Variants in TMEM63A observed in about 807,000 individuals in gnomAD.
TMEM63A encodes transmembrane protein 63A.
In TMEM63A, 76 loss-of-function variants were observed where a neutral mutation model predicts 100.6. The ratio of observed to expected loss-of-function variants is 0.76; its 90% CI spans 0.63 to 0.91. The LOEUF is 0.91. TMEM63A is among the 40% of genes least tolerant of loss of function. The probability of loss-of-function intolerance (pLI) is 0.00; values close to 1 mark genes in which losing one functional copy is unlikely to be tolerated. For synonymous variants in TMEM63A, 401 were observed against 401.1 expected (o/e 1.00, Z 0.00); for missense variants, 876 against 1,008.8 (o/e 0.87, Z 1.78).
Position 225,847,072 on chromosome 1 carries a change from C to G in TMEM63A, c.2392G>C (p.Gly798Arg). Residue 798 changes from glycine to arginine, a missense_variant, in exon 24 of 25, where the codon GGC becomes CGC. Coordinates refer to ENST00000366835, the MANE Select transcript of TMEM63A (RefSeq NM_014698.3). ...TCCTGGGGGGCAGCAGCCACACTGC[C>G]CGTGGCGCTCTGCGCCAAGCACTGT... ...PGQCLAQSAT[G>R]SVAAAPQEA 1 of 1,613,284 alleles carries G rather than the reference C, an allele frequency of 6.2e-7. No homozygotes were observed. The highest frequency in any genetic ancestry group is 8.5e-7 in the Non-Finnish European group (1 of 1,179,782).
In TMEM63A at chr1:225,855,783, G is replaced by T. The variant is rs367591861; in HGVS notation, c.1634+95C>A. The T allele has an allele frequency of 9.3e-6, 12 of 1,296,704 alleles. 1 individual carries two copies. In the African/African-American group the frequency reaches 1.3e-4, roughly 14 times the overall value. 80.3% of individuals were successfully genotyped at this position (1,296,704 alleles called of 1,614,324 possible). On this transcript the variant is annotated intron_variant, in intron 18 of 24. Transcript: ENST00000366835. ...GGAAGATGCCTGTTCAGAAGCATAG[G>T]CTACGACCGCCCCCACCCATCCCAC... is the stretch of plus-strand genomic sequence containing the variant.
At chr1:225,855,706 A>T (rs1669578606) in intron 18 of TMEM63A, among the ~76,000 whole-genome samples, 172 bp downstream of exon 18, 2 of 152,208 alleles carry the variant, frequency 1.3e-5, no homozygotes, top group Admixed American at 1.3e-4. Context: ...CACAGTGTCT[A>T]CCAGAAACCT....
chr1:225,875,562 C>G (rs926371669), intron 3 of TMEM63A, among the ~76,000 whole-genome samples: 2 of 152,192 alleles, frequency 1.3e-5, no homozygotes, highest in South Asian at 2.1e-4. Flanking sequence ...TCAGGTGAAT[C>G]AGGAAGTTGG....
intron 18 of TMEM63A, among the ~76,000 whole-genome samples, chr1:225,854,954 A>T (rs900637977): frequency 4.6e-5 from 7 of 152,220 alleles, no homozygotes; most frequent in African/African-American, 1.7e-4. Context: ...AATGTGTCAG[A>T]TGTCGCTGAT....
intron 2 of TMEM63A, 86 bp from the exon 3 acceptor site, chr1:225,877,680 A>G (rs780596955): frequency 2.2e-5 from 30 of 1,375,620 alleles, no homozygotes; most frequent in Non-Finnish European, 2.6e-5. Context: ...AGCCAAAGGC[A>G]GGCGTTTCCC....
At chr1:225,860,717 ACATCACAG>A in intron 14 of TMEM63A, 135 bp downstream of exon 14, 1 of 1,049,742 alleles carries the variant, frequency 9.5e-7, no homozygotes, top group Non-Finnish European at 1.3e-6. Context: ...CACACCGAGC[ACATCACAG>A]CATCACAGCC....
In TMEM63A at chr1:225,862,395, G is replaced by A. The variant is rs752114398; in HGVS notation, c.952-44C>T. Reference sequence around the variant, plus strand: ...CATTGGGATGACGTGGCCCCATGCTGGTATCTGGGGCACCCCGATGCCAAT... The same window carrying A: ...CATTGGGATGACGTGGCCCCATGCTAGTATCTGGGGCACCCCGATGCCAAT... On this transcript the variant is annotated intron_variant, in intron 12 of 24. Transcript: ENST00000366835. This position sits in a 1 kb window ranked among gnomAD's most constrained non-coding sequence, Gnocchi z 5.1. 9 of 1,613,596 alleles carry A rather than the reference G, an allele frequency of 5.6e-6. No homozygotes were observed. The highest frequency in any genetic ancestry group is 7.6e-6 in the Non-Finnish European group (9 of 1,179,470).
chr1:225,849,991 G>C lies in TMEM63A; in HGVS notation c.1992C>G (p.His664Gln), dbSNP rs1241807622. 3.1e-6 allele frequency: 5 copies of C among 1,614,252 alleles called. No individual in the cohort carries two copies. Among genetic ancestry groups the C allele is most frequent in the Non-Finnish European group, 4.2e-6 (5 of 1,180,042 alleles). ...CCAAGGCCTGGTTCACAGCGGCAAA[G>C]TGGATCCCCTTCTCCAGCTTGGCTG... ...YLPAKLEKGI[H>Q]FAAVNQALAA... Residue 664 changes from histidine (H) to glutamine (Q), a missense_variant, in exon 21 of 25, where the codon CAC (histidine) becomes CAG (glutamine). Coordinates refer to ENST00000366835, the MANE Select transcript of TMEM63A (RefSeq NM_014698.3).
intron 17 of TMEM63A, among the ~76,000 whole-genome samples, chr1:225,856,313 A>G (rs114752216): frequency 0.01 from 1,523 of 146,868 alleles, 35 homozygotes; most frequent in African/African-American, 0.036. Context: ...CCTGGCCACA[A>G]AATTTTCAAG....
chr1:225,876,831 T>C (rs1377846712), intron 3 of TMEM63A, among the ~76,000 whole-genome samples: 1 of 152,046 alleles, frequency 6.6e-6, no homozygotes, highest in Admixed American at 6.6e-5. Flanking sequence ...GTATTTTTAG[T>C]AGAGACAGGG....
Position 225,845,827 on chromosome 1 carries a change from A to G in TMEM63A, c.*1112T>C, listed in dbSNP as rs979687813. 3.1e-5 allele frequency: 7 copies of G among 224,224 alleles called. No individual in the cohort carries two copies. The highest frequency in any genetic ancestry group is 4.5e-5 in the Non-Finnish European group (5 of 112,170). 13.9% of individuals were successfully genotyped at this position (224,224 alleles called of 1,614,324 possible). ...AGTCCCTGAGTGAGAAGGCCCAGAT[A>G]AGCCCAGGCCCCCCAGGCCAGCGGA... On this transcript the variant is annotated 3_prime_UTR_variant, in exon 25 of 25. Coordinates refer to ENST00000366835, the MANE Select transcript of TMEM63A (RefSeq NM_014698.3).
intron 17 of TMEM63A, among the ~76,000 whole-genome samples, chr1:225,856,382 T>TG (rs1669614390): frequency 6.9e-6 from 1 of 145,916 alleles, no homozygotes; most frequent in South Asian, 2.4e-4. Context: ...CCCAGCACTT[T>TG]GGGAGGCCGA....
chr1:225,845,629 T>G lies in TMEM63A; in HGVS notation c.*1310A>C. The G allele has an allele frequency of 2.0e-6, 1 of 511,016 alleles. No homozygotes were observed. The highest frequency in any genetic ancestry group is 3.6e-6 in the Non-Finnish European group (1 of 280,998). 31.7% of individuals were successfully genotyped at this position (511,016 alleles called of 1,614,324 possible). ...ATGGGGCCCCCTGTGCAAGCAGAGCTGGCCGGCCCCTCCTTGCTGGCAGAG... is the reference window on the plus strand; with the variant it reads ...ATGGGGCCCCCTGTGCAAGCAGAGCGGGCCGGCCCCTCCTTGCTGGCAGAG... On this transcript the variant is annotated 3_prime_UTR_variant, in exon 25 of 25. Coordinates refer to ENST00000366835, the MANE Select transcript of TMEM63A (RefSeq NM_014698.3).
chr1:225,860,142 C>CA (rs1176746045), intron 14 of TMEM63A: 1 of 152,740 alleles, frequency 6.5e-6, no homozygotes, highest in African/African-American at 2.4e-5. Context: ...CCTTGTGAAC[C>CA]AAAGAGCAAA....
intron 1 of TMEM63A, among the ~76,000 whole-genome samples, chr1:225,881,920 G>A (rs1454192031): frequency 6.6e-6 from 1 of 152,156 alleles, no homozygotes; most frequent in Admixed American, 6.5e-5. Flanking sequence ...AGGAGAGTCG[G>A]ACGCTTGGCC....
At chr1:225,851,729 A>G (rs1422731646) in intron 20 of TMEM63A, among the ~76,000 whole-genome samples, 1 of 152,258 alleles carries the variant, frequency 6.6e-6, no homozygotes. Flanking sequence ...AGATTTTTAA[A>G]ACTACACAAG....
chr1:225,854,341 T>C (rs1669504675), intron 18 of TMEM63A, among the ~76,000 whole-genome samples: 1 of 151,998 alleles, frequency 6.6e-6, no homozygotes, highest in South Asian at 2.1e-4. Flanking sequence ...AGGGATCTGT[T>C]CCAATGGGGT....
Position 225,856,882 on chromosome 1 carries a change from G to A in TMEM63A, c.1484+29C>T, listed in dbSNP as rs1379490408. 4 of 1,602,860 alleles carry A rather than the reference G, an allele frequency of 2.5e-6. No individual in the cohort carries two copies. The Admixed American group carries it at 5.2e-5, about 21-fold the overall frequency. On this transcript the variant is annotated intron_variant, in intron 16 of 24. Transcript: ENST00000366835. ...GCGGTCAGAGATATCCTTCTTAGGG[G>A]CAGGGCCTCGGGGCTCCCGGGCACT...
chr1:225,881,120 G>A (rs1457969742), intron 1 of TMEM63A, among the ~76,000 whole-genome samples: 3 of 50,694 alleles, frequency 5.9e-5, no homozygotes, highest in Non-Finnish European at 1.2e-4. Flanking sequence ...CCAGTAACCT[G>A]GACAACTGTT....
Sources: allele counts gnomAD v4.1 joint callset (sites outside exome capture counted in the v4.1 genomes callset), GRCh38; gene constraint gnomAD v4.1.1; non-coding constraint Gnocchi (gnomAD v3.1); transcripts MANE v1.5; gene names NCBI Gene and HGNC (gene_info 2026-07-23, HGNC 2026-07-21).